The following CAST variants were observed in gnomAD, a reference collection of about 807,000 sequenced individuals.
CAST encodes the protein calpastatin, also known as MIR583 host.
Under a neutral mutation model 119.6 loss-of-function variants are expected in CAST, and 76 were observed. The observed-to-expected ratio is 0.64, with a 90% confidence interval of 0.53 to 0.77. The LOEUF is 0.77. CAST is among the 30% of genes least tolerant of loss of function. CAST has a pLI of 0.00. For synonymous variants in CAST, 319 were observed against 331.6 expected (o/e 0.96, Z 0.41); for missense variants, 953 against 946.5 (o/e 1.01, Z -0.09).
chr5:96,504,557 T>G, the CAST span, among the ~76,000 whole-genome samples: 17 of 152,272 alleles, frequency 1.1e-4, no homozygotes, highest in Admixed American at 5.2e-4. Context: ...CGTGTTTTTT[T>G]GTTCATCTTA....
At chr5:96,051,712 G>A in the CAST span, among the ~76,000 whole-genome samples, 9 of 152,146 alleles carry the variant, frequency 5.9e-5, no homozygotes, top group Admixed American at 3.3e-4. Context: ...GCCAGAAATC[G>A]ACCACCCCTG....
chr5:96,657,275 A>C (rs1479676239), upstream of CAST, among the ~76,000 whole-genome samples: 1 of 152,220 alleles, frequency 6.6e-6, no homozygotes, highest in Non-Finnish European at 1.5e-5. Context: ...GGGGTGAGTC[A>C]CCATGATGAC....
At chr5:96,058,188 T>C in the CAST span, among the ~76,000 whole-genome samples, 1 of 152,136 alleles carries the variant, frequency 6.6e-6, no homozygotes, top group East Asian at 1.9e-4. Flanking sequence ...CTGAGGCTCC[T>C]ACACTGAGTC....
the CAST span, among the ~76,000 whole-genome samples, chr5:96,038,604 G>A: frequency 7.4e-6 from 1 of 136,036 alleles, no homozygotes; most frequent in African/African-American, 2.8e-5. Flanking sequence ...TCCCACTTAT[G>A]AGTGAGAACA....
chr5:96,679,022 T>C (rs569470955), intron 2 of CAST, among the ~76,000 whole-genome samples: 1 of 152,030 alleles, frequency 6.6e-6, no homozygotes, highest in African/African-American at 2.4e-5. Flanking sequence ...TTTTTTGAGA[T>C]GAGGTCTTAC....
chr5:96,436,449 A>G, the CAST span, among the ~76,000 whole-genome samples: 2 of 146,052 alleles, frequency 1.4e-5, no homozygotes, highest in Admixed American at 6.9e-5. Flanking sequence ...GCTTTCACCA[A>G]TATAAGTTTT....
rs553177768 is a variant in CAST, at chr5:96,563,712, C to T, written c.60+33832C>T. On this transcript the variant is annotated intron_variant, in intron 1 of 11. Coordinates refer to the CAST transcript ENST00000505143. The stretch of plus-strand genomic sequence containing the variant: ...ATTACGGTATACGGTATATGGTATA[C>T]GGTTCACTGCCGCACTTACTGAATT... 5.9e-5 allele frequency among the ~76,000 whole-genome samples: 9 copies of T among 152,154 alleles called. No homozygotes were observed. In the East Asian group the frequency reaches 9.6e-4, roughly 16 times the overall value.
At chr5:96,441,599 T>C in the CAST span, among the ~76,000 whole-genome samples, 1 of 152,132 alleles carries the variant, frequency 6.6e-6, no homozygotes, top group East Asian at 1.9e-4. Context: ...TTGCCCTCTC[T>C]AAACACATTT....
chr5:96,623,969 G>A (rs1339160777), intron 1 of CAST, among the ~76,000 whole-genome samples: 1 of 152,134 alleles, frequency 6.6e-6, no homozygotes, highest in African/African-American at 2.4e-5. Flanking sequence ...AAAGTGCTAG[G>A]ATTATAGGTG....
At chr5:96,250,795 C>T in the CAST span, among the ~76,000 whole-genome samples, 3 of 151,826 alleles carry the variant, frequency 2.0e-5, no homozygotes, top group Non-Finnish European at 2.9e-5. Flanking sequence ...AGAAGAAAAC[C>T]CTGAAGAGTA....
chr5:96,645,761 A>T (rs1680369733), intron 1 of CAST, among the ~76,000 whole-genome samples: 1 of 151,900 alleles, frequency 6.6e-6, no homozygotes, highest in South Asian at 2.1e-4. Flanking sequence ...AATAAAAGAG[A>T]GTATTTCTTA....
the CAST span, among the ~76,000 whole-genome samples, chr5:96,261,188 A>G: frequency 6.6e-6 from 1 of 152,220 alleles, no homozygotes; most frequent in African/African-American, 2.4e-5. Flanking sequence ...CTCTAGTGGT[A>G]TATCAGCATT....
At chr5:95,982,821 A>G in the CAST span, among the ~76,000 whole-genome samples, 1 of 152,216 alleles carries the variant, frequency 6.6e-6, no homozygotes, top group Non-Finnish European at 1.5e-5. Context: ...ACCTAATTTT[A>G]CATTAGTAGT....
the CAST span, among the ~76,000 whole-genome samples, chr5:96,468,178 TGGG>T: frequency 1.3e-5 from 2 of 152,004 alleles, no homozygotes; most frequent in African/African-American, 4.8e-5. Context: ...AGCTGAGCTA[TGGG>T]TACACAAAGG....
the CAST span, among the ~76,000 whole-genome samples, chr5:96,471,349 A>T: frequency 6.6e-6 from 1 of 152,134 alleles, no homozygotes; most frequent in Non-Finnish European, 1.5e-5. Context: ...CTAAAATTAC[A>T]TTCTCTCTCA....
intron 16 of CAST, 150 bp downstream of exon 16, chr5:96,742,906 G>A (rs958810168): frequency 1.6e-6 from 1 of 629,852 alleles, no homozygotes; most frequent in Non-Finnish European, 2.9e-6. Flanking sequence ...TGAGTGGTTA[G>A]CAACTAAGGG....
At chr5:96,122,981 C>T in the CAST span, among the ~76,000 whole-genome samples, 1 of 151,938 alleles carries the variant, frequency 6.6e-6, no homozygotes, top group Non-Finnish European at 1.5e-5. Context: ...TTTTTCTATA[C>T]CCAGAGCACA....
At chr5:96,686,237 A>G (rs1752069486) in intron 2 of CAST, among the ~76,000 whole-genome samples, 1 of 151,974 alleles carries the variant, frequency 6.6e-6, no homozygotes, top group South Asian at 2.1e-4. Flanking sequence ...TTCATCATAA[A>G]CTGTTTTAAA....
the CAST span, among the ~76,000 whole-genome samples, chr5:96,304,245 T>C: frequency 6.6e-6 from 1 of 152,260 alleles, no homozygotes; most frequent in Non-Finnish European, 1.5e-5. Context: ...CATAAACGTC[T>C]TCTTTTGAGA....
Sources: allele counts gnomAD v4.1 joint callset (sites outside exome capture counted in the v4.1 genomes callset), GRCh38; gene constraint gnomAD v4.1.1; transcripts MANE v1.5; gene names NCBI Gene and HGNC (gene_info 2026-07-23, HGNC 2026-07-21).